The following RFC1 variants were observed in gnomAD, a reference collection of about 807,000 sequenced individuals.
RFC1 encodes the protein replication factor C subunit 1.
In RFC1, 37 loss-of-function variants were observed where a neutral mutation model predicts 137.4. That is an observed-to-expected ratio of 0.27 (90% CI 0.21 to 0.35). RFC1 has a LOEUF of 0.35. Ranked by LOEUF, RFC1 falls within the 10% of genes least tolerant of loss-of-function variation. RFC1 has a pLI of 1.00. For missense variants in RFC1, 1,205 were observed against 1,358.5 expected (o/e 0.89, Z 1.78); for synonymous variants, 429 against 455.7 (o/e 0.94, Z 0.75).
chr4:39,304,800 A>G lies in RFC1; in HGVS notation c.2110+14T>C. 6.7e-7 allele frequency: 1 copy of G among 1,488,032 alleles called. No individual in the cohort carries two copies. The highest frequency in any genetic ancestry group is 9.4e-7 in the Non-Finnish European group (1 of 1,065,384). The allele number at this position is 1,488,032 out of a possible 1,614,324, so 92.2% of individuals were successfully genotyped here. ...TCTTATATAACAACAACAGGAGGTC[A>G]AAAAGCCACATACTTGAATAAAAGC... On this transcript the variant is annotated intron_variant, in intron 15 of 24. Coordinates refer to ENST00000349703, the MANE Select transcript of RFC1 (RefSeq NM_002913.5).
At chr4:39,341,779 A>C (rs891994898) in intron 4 of RFC1, 1 of 395,188 alleles carries the variant, frequency 2.5e-6, no homozygotes, top group African/African-American at 2.1e-5. Context: ...AATATCCATG[A>C]AACAATTACT....
intron 23 of RFC1, 106 bp downstream of exon 23, chr4:39,291,533 G>A: frequency 1.3e-6 from 1 of 773,870 alleles, no homozygotes; most frequent in Non-Finnish European, 2.2e-6. Context: ...AAGCATTTGA[G>A]GGGAAAAAGA....
chr4:39,294,036 A>G (rs17335487), intron 22 of RFC1, among the ~76,000 whole-genome samples: 2,926 of 152,308 alleles, frequency 0.019, 40 homozygotes, highest in South Asian at 0.04. Context: ...GACCCTTGTG[A>G]TAACTGCACA....
chr4:39,302,701 G>A (rs986172449), intron 17 of RFC1, 36 bp downstream of exon 17: 12 of 1,544,176 alleles, frequency 7.8e-6, no homozygotes, highest in African/African-American at 6.9e-5. Flanking sequence ...AAATAAATAG[G>A]CTAGTGTGAT....
In RFC1 at chr4:39,295,741, G is replaced by A. The variant is rs1578103629; in HGVS notation, c.2827C>T (p.Leu943Phe). Residue 943 changes from leucine (L) to phenylalanine (F), a missense_variant, in exon 22 of 25, where the codon CTT becomes TTT. Physicochemically the swap from Leu to Phe is conservative, Grantham distance 22. Coordinates refer to ENST00000349703, the MANE Select transcript of RFC1 (RefSeq NM_002913.5). The stretch of plus-strand genomic sequence containing the variant: ...TACCCCCTCATCAACTCTCCAGGAA[G>A]AACACTGGCATAAATGGCCTGAAAA... ...LPAQAIYASV[L>F]PGELMRGYMT... 2.5e-6 allele frequency: 4 copies of A among 1,610,208 alleles called. No homozygotes were observed. In the South Asian group the frequency reaches 3.3e-5, roughly 13 times the overall value.
At chr4:39,347,216 G>A (rs912481272) in intron 2 of RFC1, among the ~76,000 whole-genome samples, 1 of 152,212 alleles carries the variant, frequency 6.6e-6, no homozygotes, top group Non-Finnish European at 1.5e-5. Flanking sequence ...GTTTTTGAAT[G>A]AGCTTAATAT....
chr4:39,344,248 A>G (rs558939448), intron 3 of RFC1, among the ~76,000 whole-genome samples: 20 of 152,230 alleles, frequency 1.3e-4, no homozygotes, highest in Non-Finnish European at 2.8e-4. Context: ...GCATCATAAA[A>G]GGCATGCAAA....
At chr4:39,315,968 C>T (rs1323406934) in intron 10 of RFC1, among the ~76,000 whole-genome samples, 5 of 152,210 alleles carry the variant, frequency 3.3e-5, no homozygotes, top group East Asian at 1.9e-4. Flanking sequence ...CAGTGGCTCA[C>T]GCCTGTAATC....
At chr4:39,302,619 C>T in intron 17 of RFC1, 24 bp from the exon 18 acceptor site, 17 of 1,532,604 alleles carry the variant, frequency 1.1e-5, no homozygotes, top group Non-Finnish European at 1.5e-5. Context: ...GGGAGGAGTC[C>T]TCAATGATTT....
intron 13 of RFC1, among the ~76,000 whole-genome samples, chr4:39,306,945 A>G (rs544308014): frequency 3.5e-4 from 54 of 152,326 alleles, no homozygotes; most frequent in African/African-American, 1.3e-3. Flanking sequence ...TCTTGATTTG[A>G]AATAATAATT....
chr4:39,364,790 G>C (rs902198061), intron 1 of RFC1, among the ~76,000 whole-genome samples: 1 of 152,162 alleles, frequency 6.6e-6, no homozygotes, highest in Non-Finnish European at 1.5e-5. Context: ...CTCTTTTACA[G>C]ATAAGGAAAC....
intron 23 of RFC1, among the ~76,000 whole-genome samples, chr4:39,290,675 C>T (rs1208995832): frequency 6.6e-6 from 1 of 151,790 alleles, no homozygotes; most frequent in Non-Finnish European, 1.5e-5. Context: ...CTTAGCCAGG[C>T]GTGATGGAGT....
intron 4 of RFC1, chr4:39,341,753 C>G: frequency 2.3e-6 from 1 of 439,702 alleles, no homozygotes; most frequent in Non-Finnish European, 4.6e-6. Context: ...ACTCTGGGAT[C>G]CTTACATAAA....
At chr4:39,341,562 G>A (rs1464249347) in intron 4 of RFC1, 3 of 455,046 alleles carry the variant, frequency 6.6e-6, no homozygotes, top group African/African-American at 2.0e-5. Context: ...TATGGACTTT[G>A]TTTTTCTTTT....
At chr4:39,332,690 G>C (rs1188840243) in intron 4 of RFC1, among the ~76,000 whole-genome samples, 1 of 152,180 alleles carries the variant, frequency 6.6e-6, no homozygotes, top group Non-Finnish European at 1.5e-5. Context: ...CCGCTGAACA[G>C]GGAGAAAAAG....
chr4:39,315,189 C>T (rs1393045508), intron 10 of RFC1, among the ~76,000 whole-genome samples: 1 of 152,248 alleles, frequency 6.6e-6, no homozygotes, highest in African/African-American at 2.4e-5. Flanking sequence ...GCTAAGGCCA[C>T]TAAGGATCAT....
chr4:39,362,628 T>C (rs967359550), intron 1 of RFC1, among the ~76,000 whole-genome samples: 2 of 152,140 alleles, frequency 1.3e-5, no homozygotes, highest in African/African-American at 4.8e-5. Flanking sequence ...ACACCCTATA[T>C]AAAAATTAAC....
At position 39,317,448 on chromosome 4, in the gene RFC1, C is replaced by T. The variant is rs576484955; in HGVS notation, c.1096-426G>A. On this transcript the variant is annotated intron_variant, in intron 9 of 24. Coordinates refer to ENST00000349703, the MANE Select transcript of RFC1 (RefSeq NM_002913.5). ...TATTCTGTGTTAATCCTATGACCTTCCATGCCCCTAAAGCACCAGCCTGCA... is the reference window on the plus strand; with the variant it reads ...TATTCTGTGTTAATCCTATGACCTTTCATGCCCCTAAAGCACCAGCCTGCA... Among the ~76,000 whole-genome samples, 4 of 152,314 alleles carry T rather than the reference C, an allele frequency of 2.6e-5. No homozygotes were observed. The South Asian group carries it at 8.3e-4, about 32-fold the overall frequency.
chr4:39,306,959 T>A (rs1339582001), intron 13 of RFC1, among the ~76,000 whole-genome samples: 1 of 152,176 alleles, frequency 6.6e-6, no homozygotes, highest in Non-Finnish European at 1.5e-5. Flanking sequence ...AATAATTGTA[T>A]GAGTTTCCTT....
Sources: gnomAD v4.1 joint callset for allele counts (sites outside exome capture counted in the v4.1 genomes callset) on GRCh38, gnomAD v4.1.1 for gene constraint, MANE v1.5 for transcripts, NCBI Gene and HGNC (gene_info 2026-07-23, HGNC 2026-07-21) for gene names.